UBE2D3: variants seen among roughly 807,000 people sequenced by gnomAD.
UBE2D3 encodes the protein ubiquitin conjugating enzyme E2 D3, also known as ubiquitin-conjugating enzyme E2 D3.
Under a neutral mutation model 22.8 loss-of-function variants are expected in UBE2D3, and 2 were observed. The ratio of observed to expected loss-of-function variants is 0.09; its 90% confidence interval spans 0.04 to 0.28. The LOEUF (loss-of-function observed/expected upper bound fraction) is 0.28, where lower values mean the gene tolerates loss of function less well. UBE2D3 is among the 10% of genes least tolerant of loss of function. The pLI is 1.00. For synonymous variants in UBE2D3, 56 were observed against 60.4 expected (o/e 0.93, Z 0.34); for missense variants, 27 against 182.5 (o/e 0.15, Z 4.91).
rs779991100 is a variant in UBE2D3 at position 102,826,513 on chromosome 4, T to C, written c.-5A>G. 6.8e-6 allele frequency: 11 copies of C among 1,613,602 alleles called. 1 individual carries two copies. The Middle Eastern group carries it at 8.2e-4, about 121-fold the overall frequency. On this transcript the variant is annotated 5_prime_UTR_variant, in exon 2 of 8. Coordinates refer to ENST00000453744, the MANE Select transcript of UBE2D3 (RefSeq NM_181891.3). ...ATTAATCCGTTTCAGCGCCATAGTGTGTGCTTGTCGTCTGGCTCCTCACTC... is the reference window on the plus strand; with the variant it reads ...ATTAATCCGTTTCAGCGCCATAGTGCGTGCTTGTCGTCTGGCTCCTCACTC...
intron 7 of UBE2D3, 44 bp downstream of exon 7, chr4:102,799,363 C>T: frequency 1.3e-6 from 2 of 1,502,164 alleles, no homozygotes; most frequent in Non-Finnish European, 1.8e-6. Context: ...AAGCCTAACT[C>T]ATTAAGTAAA....
At chr4:102,816,325 G>A (rs1728775092) in intron 2 of UBE2D3, among the ~76,000 whole-genome samples, 1 of 152,164 alleles carries the variant, frequency 6.6e-6, no homozygotes, top group Non-Finnish European at 1.5e-5. Flanking sequence ...ATAATCAAGA[G>A]CTATAAGAAT....
intron 1 of UBE2D3, among the ~76,000 whole-genome samples, chr4:102,867,944 G>C (rs1733230863): frequency 6.6e-6 from 1 of 152,096 alleles, no homozygotes; most frequent in Non-Finnish European, 1.5e-5. Context: ...ATTAGTGTTA[G>C]TGTATTTATG....
At chr4:102,810,430 G>C (rs200142198) in intron 2 of UBE2D3, 1 of 61,306 alleles carries the variant, frequency 1.6e-5, no homozygotes, top group African/African-American at 6.5e-5. Context: ...TTTTTTTTTT[G>C]AGACGGAGTC....
At chr4:102,805,637 G>A (rs1467513377) in intron 4 of UBE2D3, among the ~76,000 whole-genome samples, 1 of 151,904 alleles carries the variant, frequency 6.6e-6, no homozygotes, top group Admixed American at 6.6e-5. Flanking sequence ...ACAGGCATGT[G>A]CCACTACACC....
chr4:102,855,151 AAG>A (rs1732563096), intron 1 of UBE2D3, among the ~76,000 whole-genome samples: 2 of 152,196 alleles, frequency 1.3e-5, no homozygotes, highest in East Asian at 1.9e-4. Flanking sequence ...AACAGTAGCA[AAG>A]AGAGAGCATC....
chr4:102,826,357 T>TC (rs1560873971), intron 2 of UBE2D3, 128 bp downstream of exon 2: 5 of 1,177,476 alleles, frequency 4.2e-6, no homozygotes, highest in African/African-American at 1.5e-5. Flanking sequence ...GCGTTCTCCA[T>TC]CCCCCCATGG....
chr4:102,858,466 T>C (rs1436294276), intron 1 of UBE2D3, among the ~76,000 whole-genome samples: 1 of 151,914 alleles, frequency 6.6e-6, no homozygotes, highest in Non-Finnish European at 1.5e-5. Flanking sequence ...TTGGGGATCC[T>C]GGTATTTCCT....
chr4:102,825,048 T>C (rs1449325898), intron 2 of UBE2D3, among the ~76,000 whole-genome samples: 2 of 152,238 alleles, frequency 1.3e-5, no homozygotes, highest in East Asian at 1.9e-4. Flanking sequence ...TTCATATCAA[T>C]ACATACTAAG....
chr4:102,852,309 G>T (rs1369476827), intron 1 of UBE2D3, among the ~76,000 whole-genome samples: 1 of 152,182 alleles, frequency 6.6e-6, no homozygotes, highest in African/African-American at 2.4e-5. Flanking sequence ...CTTGGACTAT[G>T]AGAGAAAAAG....
chr4:102,801,422 T>A, intron 6 of UBE2D3, 32 bp downstream of exon 6: 3 of 1,557,528 alleles, frequency 1.9e-6, no homozygotes, highest in Non-Finnish European at 2.6e-6. Context: ...TATTAGACAA[T>A]GAGAACAGCT....
chr4:102,806,227 T>TAC (rs1727016804), intron 4 of UBE2D3, among the ~76,000 whole-genome samples: 1 of 152,186 alleles, frequency 6.6e-6, no homozygotes, highest in Non-Finnish European at 1.5e-5. Context: ...ACATGTTCTC[T>TAC]ACTGCACATA....
chr4:102,831,367 G>T (rs1731107772), upstream of UBE2D3, among the ~76,000 whole-genome samples: 1 of 152,030 alleles, frequency 6.6e-6, no homozygotes, highest in Admixed American at 6.5e-5. Flanking sequence ...TGTCATTTTG[G>T]CCTTAATAAG....
Position 102,814,245 on chromosome 4 carries a change from CAGA to C in UBE2D3, c.25-4393_25-4391del, listed in dbSNP as rs138149216. Among the ~76,000 whole-genome samples, 4 of 150,896 alleles carry C rather than the reference CAGA, an allele frequency of 2.7e-5. No homozygotes were observed. The East Asian group carries it at 7.8e-4, about 29-fold the overall frequency. On this transcript the variant is annotated intron_variant, in intron 2 of 7. Transcript: ENST00000453744. ...TATTAACTGAACCAAATCAGTATTT[CAGA>C]AGCTTTTTTTTTTTTGCAACTTAAA... is the stretch of plus-strand genomic sequence containing the variant.
At chr4:102,800,414 A>G (rs1725968712) in intron 6 of UBE2D3, among the ~76,000 whole-genome samples, 1 of 152,080 alleles carries the variant, frequency 6.6e-6, no homozygotes, top group South Asian at 2.1e-4. Context: ...TAAGTTAGCA[A>G]AGTATGGCTG....
At chr4:102,805,492 ATTC>A (rs1351236876) in intron 4 of UBE2D3, among the ~76,000 whole-genome samples, 4 of 145,474 alleles carry the variant, frequency 2.7e-5, no homozygotes, top group East Asian at 2.0e-4. Context: ...AAACGTTGGT[ATTC>A]TTTTTTTTTT....
At chr4:102,842,450 G>C (rs1029657894) in intron 1 of UBE2D3, among the ~76,000 whole-genome samples, 3 of 151,982 alleles carry the variant, frequency 2.0e-5, no homozygotes, top group Admixed American at 2.0e-4. Context: ...AGCTACTCAA[G>C]GAGGCTGAGG....
intron 1 of UBE2D3, among the ~76,000 whole-genome samples, chr4:102,856,834 G>A (rs1440383702): frequency 6.6e-6 from 1 of 152,132 alleles, no homozygotes; most frequent in Non-Finnish European, 1.5e-5. Context: ...TAAATATCAG[G>A]AAGAATTTTA....
rs568497675 is a variant in UBE2D3, at chr4:102,803,985, T to A, written c.121-1347A>T. Reference sequence around the variant, plus strand: ...AGTTTCACCATGTTGGCCAGGCTAGTCTTGCGGCCTCCTGACCTTGTGATC... The same window carrying A: ...AGTTTCACCATGTTGGCCAGGCTAGACTTGCGGCCTCCTGACCTTGTGATC... On this transcript the variant is annotated intron_variant, in intron 4 of 7. Transcript: ENST00000453744. Among the ~76,000 whole-genome samples the A allele has an allele frequency of 1.1e-4, 16 of 152,232 alleles. 1 individual carries two copies. The highest frequency in any genetic ancestry group is 3.9e-4 in the African/African-American group (16 of 41,548).
Sources: gnomAD v4.1 joint callset for allele counts (sites outside exome capture counted in the v4.1 genomes callset) on GRCh38, gnomAD v4.1.1 for gene constraint, MANE v1.5 for transcripts, NCBI Gene and HGNC (gene_info 2026-07-23, HGNC 2026-07-21) for gene names.